The following CRACR2A variants were observed in gnomAD, a reference collection of about 807,000 sequenced individuals.
CRACR2A encodes the protein EF-hand calcium-binding domain-containing protein 4B.
CRACR2A carries 79 observed loss-of-function variants against 90.5 expected under a neutral mutation model. That is an observed-to-expected ratio of 0.87 (90% CI 0.73 to 1.05). CRACR2A has a LOEUF of 1.05. CRACR2A is among the 50% of genes least tolerant of loss of function. The pLI is 0.00. For synonymous variants in CRACR2A, 338 were observed against 356.7 expected (o/e 0.95, Z 0.59); for missense variants, 823 against 897.2 (o/e 0.92, Z 1.06).
rs879201914 is a variant in CRACR2A at position 3,711,131 on chromosome 12, C to T, written c.-37+2106G>A. ...ATGTAAATTAGATATGGTTGAGACT[C>T]GGTATTATTCATTCTAAGACAAATT... On this transcript the variant is annotated intron_variant, in intron 3 of 19. Transcript: ENST00000440314. This position sits in a 1 kb window ranked among gnomAD's most constrained non-coding sequence, Gnocchi z 4.3. Among the ~76,000 whole-genome samples, 2 of 152,162 alleles carry T rather than the reference C, an allele frequency of 1.3e-5. No homozygotes were observed. The highest frequency in any genetic ancestry group is 4.8e-5 in the African/African-American group (2 of 41,434).
intron 8 of CRACR2A, among the ~76,000 whole-genome samples, chr12:3,657,961 TCAGAAA>T (rs1944947244): frequency 6.6e-6 from 1 of 152,184 alleles, no homozygotes; most frequent in Non-Finnish European, 1.5e-5. Context: ...TTCCATGATG[TCAGAAA>T]CTGTAGCACC....
In CRACR2A at chr12:3,633,529, CTG is replaced by C; in HGVS notation, c.1735+73_1735+74del. On this transcript the variant is annotated intron_variant, in intron 15 of 19. Coordinates refer to ENST00000440314, the MANE Select transcript of CRACR2A (RefSeq NM_001144958.2). This position sits in a 1 kb window ranked among gnomAD's most constrained non-coding sequence, Gnocchi z 4.5. ...CCTTCCCATGGGCTTCTAACGCTCC[CTG>C]CCCCGGGCCCCCTTCTCACAAACTC... 1.9e-6 allele frequency: 3 copies of C among 1,539,908 alleles called. No homozygotes were observed. The highest frequency in any genetic ancestry group is 2.6e-6 in the Non-Finnish European group (3 of 1,139,196).
intron 10 of CRACR2A, among the ~76,000 whole-genome samples, chr12:3,651,972 C>T (rs975232139): frequency 6.6e-6 from 1 of 152,180 alleles, no homozygotes; most frequent in African/African-American, 2.4e-5. Flanking sequence ...CTGGACGGGA[C>T]ATGCTCTCCG....
intron 8 of CRACR2A, among the ~76,000 whole-genome samples, chr12:3,657,760 C>T (rs775726974): frequency 6.6e-6 from 1 of 152,142 alleles, no homozygotes; most frequent in Non-Finnish European, 1.5e-5. Flanking sequence ...TCCAGAATCC[C>T]CATGATGATG....
intron 6 of CRACR2A, among the ~76,000 whole-genome samples, chr12:3,678,208 T>C (rs1945372092): frequency 1.3e-5 from 2 of 152,198 alleles, no homozygotes; most frequent in African/African-American, 4.8e-5. Context: ...CCTTATTTTA[T>C]TTTACTTTAC....
intron 1 of CRACR2A, among the ~76,000 whole-genome samples, chr12:3,734,655 A>ATGTGTGTGTGTGTG (rs1475033071): frequency 1.6e-4 from 12 of 74,754 alleles, no homozygotes; most frequent in African/African-American, 4.5e-4. Context: ...GTGTGTGTGC[A>ATGTGTGTGTGTGTG]TATACATAAT....
chr12:3,690,475 A>G (rs1317851699), intron 4 of CRACR2A, among the ~76,000 whole-genome samples: 1 of 152,118 alleles, frequency 6.6e-6, no homozygotes, highest in Non-Finnish European at 1.5e-5. Flanking sequence ...GGTTTTTAGT[A>G]AATTTCTTAG....
At chr12:3,632,203 C>T (rs1045201861) in intron 15 of CRACR2A, among the ~76,000 whole-genome samples, 2 of 152,206 alleles carry the variant, frequency 1.3e-5, no homozygotes, top group East Asian at 1.9e-4. Context: ...CCTGCTTTCC[C>T]TTTACCTTCC....
chr12:3,708,713 T>C (rs1463664405), intron 3 of CRACR2A, among the ~76,000 whole-genome samples: 2 of 152,150 alleles, frequency 1.3e-5, no homozygotes, highest in African/African-American at 2.4e-5. Flanking sequence ...GCGTGAGCCA[T>C]CATGCCCGGC....
intron 4 of CRACR2A, among the ~76,000 whole-genome samples, chr12:3,683,477 C>A (rs1286848566): frequency 6.6e-6 from 1 of 152,154 alleles, no homozygotes; most frequent in African/African-American, 2.4e-5. Context: ...CTGCCCATGG[C>A]CCTGGGAGCT....
intron 6 of CRACR2A, among the ~76,000 whole-genome samples, chr12:3,674,660 C>G (rs946925578): frequency 6.6e-6 from 1 of 152,168 alleles, no homozygotes; most frequent in African/African-American, 2.4e-5. Context: ...TATAAATTAT[C>G]AATTAAACTT....
At chr12:3,668,655 G>A (rs376787762) in intron 7 of CRACR2A, among the ~76,000 whole-genome samples, 46 of 152,138 alleles carry the variant, frequency 3.0e-4, no homozygotes, top group Non-Finnish European at 5.3e-4. Flanking sequence ...CCTTGTCCTC[G>A]AGGCTCCACA....
chr12:3,624,523 C>T (rs147719779), intron 17 of CRACR2A, among the ~76,000 whole-genome samples: 2 of 152,338 alleles, frequency 1.3e-5, no homozygotes, highest in Admixed American at 6.5e-5. Context: ...CACCGTTCCA[C>T]ACCTTCAACA....
chr12:3,740,967 CA>C (rs1394681073), intron 1 of CRACR2A, among the ~76,000 whole-genome samples: 1 of 152,152 alleles, frequency 6.6e-6, no homozygotes, highest in Non-Finnish European at 1.5e-5. Context: ...GCTGTCTGAC[CA>C]CACATATGTC....
chr12:3,641,917 C>T (rs1265903025), intron 12 of CRACR2A, 79 bp from the exon 13 acceptor site: 2 of 1,254,178 alleles, frequency 1.6e-6, no homozygotes, highest in African/African-American at 3.0e-5. Flanking sequence ...TGGTTCCCAC[C>T]TCATAGACTA....
intron 1 of CRACR2A, among the ~76,000 whole-genome samples, chr12:3,750,345 C>A (rs1388353380): frequency 1.3e-5 from 2 of 152,174 alleles, no homozygotes; most frequent in East Asian, 3.9e-4. Flanking sequence ...GGACCCATTT[C>A]TGCCACTCAC....
chr12:3,617,472 T>C (rs1431035262), intron 18 of CRACR2A, among the ~76,000 whole-genome samples: 2 of 152,224 alleles, frequency 1.3e-5, no homozygotes, highest in Admixed American at 1.3e-4. Flanking sequence ...ATTGAGTTAA[T>C]GGCAGAGCTC....
chr12:3,732,874 G>C (rs1051322091), intron 2 of CRACR2A, 68 bp downstream of exon 2: 5 of 152,196 alleles, frequency 3.3e-5, no homozygotes, highest in South Asian at 2.1e-4. Context: ...ACATTTGTTT[G>C]TTTGGCCCAG....
At chr12:3,645,082 C>T (rs563617698) in intron 11 of CRACR2A, among the ~76,000 whole-genome samples, 15 of 152,328 alleles carry the variant, frequency 9.8e-5, no homozygotes, top group Non-Finnish European at 1.6e-4. Context: ...ACTCTTCTAG[C>T]CATCAAGGTC....
Sources: gnomAD v4.1 joint callset for allele counts (sites outside exome capture counted in the v4.1 genomes callset) on GRCh38, gnomAD v4.1.1 for gene constraint, Gnocchi (gnomAD v3.1) non-coding constraint, MANE v1.5 for transcripts, NCBI Gene and HGNC (gene_info 2026-07-23, HGNC 2026-07-21) for gene names.